Variants in SRBD1 observed in about 807,000 individuals in gnomAD.
SRBD1 encodes S1 RNA binding domain 1.
In SRBD1, 88 loss-of-function variants were observed where a neutral mutation model predicts 115.3. The ratio of observed to expected loss-of-function variants is 0.76; its 90% CI spans 0.64 to 0.91. The LOEUF (loss-of-function observed/expected upper bound fraction) is 0.91, where lower values mean the gene tolerates loss of function less well. Among genes scored for constraint, SRBD1 ranks in the 40% least tolerant of loss-of-function variants. The pLI, the probability that SRBD1 is intolerant of heterozygous loss-of-function variation, is 0.00. For missense variants in SRBD1, 1,385 were observed against 1,177.4 expected, an observed-to-expected ratio of 1.18 and a Z score of -2.58; for synonymous variants, 509 against 407.7, an observed-to-expected ratio of 1.25 and a Z score of -2.99.
intron 14 of SRBD1, among the ~76,000 whole-genome samples, chr2:45,519,424 T>C (rs1036571342): frequency 1.3e-5 from 2 of 152,272 alleles, no homozygotes; most frequent in African/African-American, 2.4e-5. Context: ...AAAAAGTTCA[T>C]CTGGCCTGTT....
intron 19 of SRBD1, among the ~76,000 whole-genome samples, chr2:45,406,073 T>C (rs1233571478): frequency 2.0e-5 from 3 of 152,090 alleles, no homozygotes; most frequent in Admixed American, 1.3e-4. Context: ...TATAAAGCTA[T>C]TATAAAAAAC....
At chr2:45,429,687 C>T (rs940887826) in intron 16 of SRBD1, among the ~76,000 whole-genome samples, 12 of 152,198 alleles carry the variant, frequency 7.9e-5, no homozygotes, top group Non-Finnish European at 1.8e-4. Context: ...CAATATCATA[C>T]TGAATGGGCA....
chr2:45,450,668 T>C (rs1434603951), intron 16 of SRBD1, among the ~76,000 whole-genome samples: 2 of 152,082 alleles, frequency 1.3e-5, no homozygotes, highest in Non-Finnish European at 2.9e-5. Flanking sequence ...GATGTTGGGA[T>C]GAATACCCAT....
intron 16 of SRBD1, among the ~76,000 whole-genome samples, chr2:45,464,347 C>A (rs1669415191): frequency 6.6e-6 from 1 of 152,132 alleles, no homozygotes; most frequent in African/African-American, 2.4e-5. Flanking sequence ...TGCAAGATAG[C>A]TCTCTCCTAT....
In SRBD1 at chr2:45,585,767, G is replaced by T. The variant is rs750678667; in HGVS notation, c.656C>A (p.Ser219Tyr). Residue 219 changes from serine to tyrosine, a missense_variant, in exon 5 of 21, where the codon TCT becomes TAT. Transcript: ENST00000263736. ...CCAAGGTTCAATATTAGTTCTCTCA[G>T]ATAAAACCTGCAAATTAAAGATACT... ...EMNWDMVQVL[S>Y]ERTNIEPWVC... 6.3e-7 allele frequency: 1 copy of T among 1,586,406 alleles called. No homozygotes were observed. Among genetic ancestry groups the T allele is most frequent in the Non-Finnish European group, 8.5e-7 (1 of 1,172,436 alleles).
intron 9 of SRBD1, among the ~76,000 whole-genome samples, chr2:45,570,201 A>G (rs1271033366): frequency 6.6e-6 from 1 of 152,242 alleles, no homozygotes; most frequent in Non-Finnish European, 1.5e-5. Flanking sequence ...CCAACTGTAT[A>G]CTAGACTACA....
intron 2 of SRBD1, 32 bp downstream of exon 2, chr2:45,605,330 C>A (rs1451316340): frequency 1.9e-6 from 3 of 1,576,430 alleles, no homozygotes; most frequent in South Asian, 2.2e-5. Context: ...ATTCATCATT[C>A]CCCTACCCAC....
intron 16 of SRBD1, among the ~76,000 whole-genome samples, chr2:45,470,690 C>A (rs1251360576): frequency 2.0e-5 from 3 of 152,186 alleles, no homozygotes; most frequent in Non-Finnish European, 4.4e-5. Context: ...GTGAACTCAA[C>A]AGAGCCAAAC....
intron 14 of SRBD1, among the ~76,000 whole-genome samples, chr2:45,540,742 G>A (rs1241084825): frequency 1.3e-5 from 2 of 152,078 alleles, no homozygotes; most frequent in African/African-American, 4.8e-5. Context: ...GAAGATACAT[G>A]GATGGCAAAT....
At chr2:45,391,671 A>C (rs1161207654) in intron 20 of SRBD1, among the ~76,000 whole-genome samples, 1 of 152,166 alleles carries the variant, frequency 6.6e-6, no homozygotes, top group Non-Finnish European at 1.5e-5. Flanking sequence ...CACTGCAGTA[A>C]GTGGAAAGCT....
Position 45,573,318 on chromosome 2 carries a change from G to T in SRBD1, c.1194C>A (p.Ile398=). The T allele has an allele frequency of 6.2e-7, 1 of 1,610,798 alleles. No homozygotes were observed. The highest frequency in any genetic ancestry group is 1.1e-5 in the South Asian group (1 of 90,442). ...RNLCQKRHVC[I]QSSLAKVSSK... is the part of the protein sequence containing the mutation. ...AGGATACTTTTGCCAGAGATGACTGGATACAAACATGTCTCTTCTGGCACC... is the reference window on the plus strand; with the variant it reads ...AGGATACTTTTGCCAGAGATGACTGTATACAAACATGTCTCTTCTGGCACC... The change falls in exon 9 of 21, where the codon ATC becomes ATA. Residue 398 remains isoleucine, a synonymous_variant. Transcript: ENST00000263736.
chr2:45,582,907 C>T (rs114074542), intron 5 of SRBD1, among the ~76,000 whole-genome samples: 7 of 152,194 alleles, frequency 4.6e-5, no homozygotes, highest in Non-Finnish European at 1.0e-4. Context: ...AAATACCATT[C>T]CCCACTAAAA....
chr2:45,542,131 T>C (rs1383830806), intron 14 of SRBD1, among the ~76,000 whole-genome samples: 1 of 152,182 alleles, frequency 6.6e-6, no homozygotes, highest in Admixed American at 6.5e-5. Flanking sequence ...CCCTTAGCCA[T>C]CACCCCACCC....
chr2:45,544,387 G>A (rs996676219), intron 14 of SRBD1, among the ~76,000 whole-genome samples: 3 of 152,168 alleles, frequency 2.0e-5, no homozygotes, highest in Non-Finnish European at 4.4e-5. Flanking sequence ...GGTGCTAACA[G>A]GTAAGTAACA....
chr2:45,389,607 A>AG lies in SRBD1; in HGVS notation c.2699-9dup. On this transcript the variant is annotated splice_polypyrimidine_tract_variant and intron_variant, in intron 20 of 20. Transcript: ENST00000263736. ...AATCAGGTTTATCAAAATCTGTAAG[A>AG]GAAAAAAAGTAAGTGTAAATAAGGC... 9 of 1,609,112 alleles carry AG rather than the reference A, an allele frequency of 5.6e-6. No individual in the cohort carries two copies. Among genetic ancestry groups the AG allele is most frequent in the Non-Finnish European group, 6.8e-6 (8 of 1,177,922 alleles).
At chr2:45,583,920 G>GAAAA (rs781222591) in intron 5 of SRBD1, among the ~76,000 whole-genome samples, 48 of 152,166 alleles carry the variant, frequency 3.2e-4, no homozygotes, top group Non-Finnish European at 5.9e-4. Context: ...GTTTTTTAAA[G>GAAAA]AAAAAGAAAA....
At chr2:45,491,912 C>T (rs933199596) in intron 14 of SRBD1, among the ~76,000 whole-genome samples, 1 of 152,138 alleles carries the variant, frequency 6.6e-6, no homozygotes, top group South Asian at 2.1e-4. Context: ...ACCTCCGCCT[C>T]CCAGGTTCAA....
chr2:45,417,278 G>C (rs373667846), intron 18 of SRBD1, among the ~76,000 whole-genome samples: 1 of 152,134 alleles, frequency 6.6e-6, no homozygotes, highest in Non-Finnish European at 1.5e-5. Context: ...ATAGGAGTGA[G>C]AAGTGGGACT....
intron 5 of SRBD1, among the ~76,000 whole-genome samples, 153 bp downstream of exon 5, chr2:45,585,455 T>C (rs377282183): frequency 1.8e-4 from 28 of 152,208 alleles, no homozygotes; most frequent in African/African-American, 5.1e-4. Context: ...AGGGACTCCA[T>C]ACACTCGCTA....
Sources: allele counts gnomAD v4.1 joint callset (sites outside exome capture counted in the v4.1 genomes callset), GRCh38; gene constraint gnomAD v4.1.1; transcripts MANE v1.5; gene names NCBI Gene and HGNC (gene_info 2026-07-23, HGNC 2026-07-21).